The following DMD variants were observed in gnomAD, a reference collection of about 807,000 sequenced individuals.
The protein encoded by DMD is mutant dystrophin.
In DMD, 63 loss-of-function variants were observed where a neutral mutation model predicts 330.1. The observed-to-expected ratio is 0.19, with a 90% CI of 0.16 to 0.24. The LOEUF is 0.24. Ranked by LOEUF, DMD falls within the 10% of genes least tolerant of loss-of-function variation. The pLI, the probability that DMD is intolerant of heterozygous loss-of-function variation, is 1.00. For synonymous variants in DMD, 1,223 were observed against 959.8 expected, an observed-to-expected ratio of 1.27 and a Z score of -5.07; for missense variants, 3,344 against 2,684.1, an observed-to-expected ratio of 1.25 and a Z score of -5.43.
intron 48 of DMD, among the ~76,000 whole-genome samples, chrX:31,856,532 A>T (rs1186274944): frequency 8.9e-6 from 1 of 112,409 alleles, no homozygotes; most frequent in Non-Finnish European, 1.9e-5. Context: ...TATGGAGTCC[A>T]AAGTTCTATT....
intron 44 of DMD, among the ~76,000 whole-genome samples, chrX:32,138,444 T>C (rs1169098238): frequency 3.6e-5 from 4 of 111,815 alleles, no homozygotes; most frequent in Non-Finnish European, 5.6e-5. Context: ...ATATGAGACA[T>C]GGTTTCTAAC....
intron 7 of DMD, among the ~76,000 whole-genome samples, chrX:32,755,970 T>C (rs1006743133): frequency 8.9e-6 from 1 of 112,578 alleles, no homozygotes; most frequent in Non-Finnish European, 1.9e-5. Context: ...ATTGCAAATA[T>C]TAAGGTCTTA....
chrX:33,058,603 T>TAC (rs1348287823), intron 1 of DMD, among the ~76,000 whole-genome samples: 1 of 110,716 alleles, frequency 9.0e-6, no homozygotes, highest in Non-Finnish European at 1.9e-5. Flanking sequence ...ACACCTGGCC[T>TAC]ACTAATTTCT....
At chrX:32,611,026 A>G (rs1300485798) in intron 12 of DMD, among the ~76,000 whole-genome samples, 2 of 111,165 alleles carry the variant, frequency 1.8e-5, no homozygotes, top group Non-Finnish European at 3.8e-5. Context: ...TTCTGTATGT[A>G]TGCTCCTTTT....
At chrX:31,802,723 T>C (rs2092126036) in intron 50 of DMD, among the ~76,000 whole-genome samples, 1 of 111,852 alleles carries the variant, frequency 8.9e-6, no homozygotes, top group Admixed American at 9.4e-5. Flanking sequence ...GAGATTATTT[T>C]TGAGACATCT....
chrX:32,337,958 A>T (rs1435233725), intron 41 of DMD, among the ~76,000 whole-genome samples: 1 of 111,566 alleles, frequency 9.0e-6, no homozygotes, highest in Admixed American at 9.6e-5. Flanking sequence ...TTTTACACAA[A>T]TATATTGCTT....
At position 32,723,254 on chromosome X, in the gene DMD, C is replaced by A. The variant is rs541087989; in HGVS notation, c.650-23961G>T. ...ATTGATTGATTTGTGTATGTTAAAC[C>A]AACCTTGTGTCCTAGGGCTAAACCC... On this transcript the variant is annotated intron_variant, in intron 7 of 78. Transcript: ENST00000357033. Among the ~76,000 whole-genome samples, 6 of 111,161 alleles carry A rather than the reference C, an allele frequency of 5.4e-5. No individual in the cohort carries two copies. In the South Asian group the frequency reaches 1.9e-3, roughly 35 times the overall value.
intron 50 of DMD, among the ~76,000 whole-genome samples, chrX:31,774,516 T>G (rs1475960630): frequency 8.9e-6 from 1 of 111,783 alleles, no homozygotes; most frequent in East Asian, 2.8e-4. Context: ...ATATACATTG[T>G]GGAAGTGGTA....
At chrX:32,840,494 T>A (rs1319104584) in intron 4 of DMD, among the ~76,000 whole-genome samples, 1 of 111,358 alleles carries the variant, frequency 9.0e-6, no homozygotes, top group Non-Finnish European at 1.9e-5. Context: ...AGTGTACAAC[T>A]TGATGCGTTT....
chrX:32,483,716 A>G (rs2042142129), intron 21 of DMD, among the ~76,000 whole-genome samples: 1 of 105,364 alleles, frequency 9.5e-6, no homozygotes, highest in Non-Finnish European at 2.0e-5. Context: ...GCAGAGGCAC[A>G]GTAACAAGTA....
chrX:32,446,963 G>T (rs1320207348), intron 27 of DMD, among the ~76,000 whole-genome samples: 1 of 110,400 alleles, frequency 9.1e-6, no homozygotes, highest in African/African-American at 3.3e-5. Flanking sequence ...AATTGGTCTT[G>T]AAAAGTTTGT....
intron 44 of DMD, among the ~76,000 whole-genome samples, chrX:32,112,021 T>C (rs1490080530): frequency 8.9e-6 from 1 of 112,130 alleles, no homozygotes; most frequent in Non-Finnish European, 1.9e-5. Flanking sequence ...GCATGAATAA[T>C]ATATTTGATT....
chrX:31,338,397 C>T (rs992456238), intron 61 of DMD, among the ~76,000 whole-genome samples: 1 of 108,327 alleles, frequency 9.2e-6, no homozygotes, highest in Admixed American at 9.9e-5. Flanking sequence ...ACCTGGGAGG[C>T]GGAGGTTGCA....
chrX:32,435,592 C>A (rs1205872610), intron 29 of DMD, among the ~76,000 whole-genome samples: 2 of 110,497 alleles, frequency 1.8e-5, no homozygotes, highest in Non-Finnish European at 3.8e-5. Context: ...TCAACATGAT[C>A]CTGTTTTTGA....
chrX:32,889,803 T>G (rs1193537599), intron 2 of DMD, among the ~76,000 whole-genome samples: 1 of 111,146 alleles, frequency 9.0e-6, no homozygotes, highest in African/African-American at 3.3e-5. Context: ...TTTTTCAGAC[T>G]CAGCCCACCT....
chrX:31,216,043 C>A (rs1254927819), intron 64 of DMD, among the ~76,000 whole-genome samples: 3 of 112,476 alleles, frequency 2.7e-5, no homozygotes, highest in Non-Finnish European at 5.6e-5. Context: ...TCTGGTGGGC[C>A]AAGGGGCATG....
At chrX:32,548,596 G>A (rs1170196309) in intron 16 of DMD, among the ~76,000 whole-genome samples, 2 of 111,762 alleles carry the variant, frequency 1.8e-5, no homozygotes, top group Admixed American at 9.6e-5. Context: ...AGTAAACAAT[G>A]CTAGACATAA....
At chrX:33,172,109 T>A (rs1412343670) in intron 1 of DMD, among the ~76,000 whole-genome samples, 1 of 111,322 alleles carries the variant, frequency 9.0e-6, no homozygotes, top group East Asian at 2.8e-4. Context: ...AACAAATGTA[T>A]TCAACAAACC....
intron 7 of DMD, among the ~76,000 whole-genome samples, chrX:32,739,492 T>C (rs759665890): frequency 8.0e-5 from 9 of 111,865 alleles, no homozygotes; most frequent in Non-Finnish European, 1.5e-4. Context: ...TATACTACTA[T>C]GGAAAAGGTA....
Sources: allele counts gnomAD v4.1 joint callset (sites outside exome capture counted in the v4.1 genomes callset), GRCh38; gene constraint gnomAD v4.1.1; transcripts MANE v1.5; gene names NCBI Gene and HGNC (gene_info 2026-07-23, HGNC 2026-07-21).